Variants in HPSE2 observed in about 807,000 individuals in gnomAD.
HPSE2 encodes the protein inactive heparanase-2.
In HPSE2, 38 loss-of-function variants were observed where a neutral mutation model predicts 60.5. That is an observed-to-expected ratio of 0.63 (90% CI 0.48 to 0.82). HPSE2 has a LOEUF of 0.82. HPSE2 is among the 40% of genes least tolerant of loss of function. The pLI is 0.00. For missense variants in HPSE2, 713 were observed against 740.4 expected (o/e 0.96, Z 0.43); for synonymous variants, 295 against 293.2 (o/e 1.01, Z -0.06).
chr10:98,927,433 A>G (rs1331256165), intron 3 of HPSE2, among the ~76,000 whole-genome samples: 4 of 150,874 alleles, frequency 2.7e-5, no homozygotes, highest in Middle Eastern at 3.2e-3. Context: ...TATAGATTCA[A>G]TGCCATCCCC....
chr10:98,741,469 G>A (rs2134319567), intron 4 of HPSE2, among the ~76,000 whole-genome samples: 1 of 152,010 alleles, frequency 6.6e-6, no homozygotes, highest in East Asian at 1.9e-4. Context: ...GATGGGGAGG[G>A]GCAAGTTCTT....
Position 99,056,604 on chromosome 10 carries a change from G to C in HPSE2, c.610+87634C>G, listed in dbSNP as rs1958119541. On this transcript the variant is annotated intron_variant, in intron 3 of 11. Transcript: ENST00000370552. Reference sequence around the variant, plus strand: ...ACAATTGAATAAACATAAGGGAAAAGTGAATATTAATCTCCCTAAAAATTA... The same window carrying C: ...ACAATTGAATAAACATAAGGGAAAACTGAATATTAATCTCCCTAAAAATTA... Among the ~76,000 whole-genome samples, 3 of 152,250 alleles carry C rather than the reference G, an allele frequency of 2.0e-5. No homozygotes were observed. The East Asian group carries it at 5.8e-4, about 29-fold the overall frequency.
Position 98,459,516 on chromosome 10 carries a change from A to T in HPSE2, c.*58T>A. ...GTCTGAAAACAGAGGATACTACTGG[A>T]GTGGAGGAGTGGAAGCAGCCCAGCA... On this transcript the variant is annotated 3_prime_UTR_variant, in exon 12 of 12. Coordinates refer to ENST00000370552, the MANE Select transcript of HPSE2 (RefSeq NM_021828.5). The T allele has an allele frequency of 6.4e-7, 1 of 1,550,604 alleles. No individual in the cohort carries two copies. The highest frequency in any genetic ancestry group is 1.1e-5 in the South Asian group (1 of 89,726).
Position 98,812,624 on chromosome 10 carries a change from AT to A in HPSE2, c.611-68569del, listed in dbSNP as rs1951195202. On this transcript the variant is annotated intron_variant, in intron 3 of 11. Transcript: ENST00000370552. ...AAGATAAATTTAATTTTAACAATAT[AT>A]TTTTGTTGGCCCAATATATCCAAAA... Among the ~76,000 whole-genome samples, 3 of 152,236 alleles carry A rather than the reference AT, an allele frequency of 2.0e-5. No individual in the cohort carries two copies. In the East Asian group the frequency reaches 5.8e-4, roughly 29 times the overall value.
intron 9 of HPSE2, among the ~76,000 whole-genome samples, chr10:98,570,304 G>A (rs545514521): frequency 1.8e-4 from 27 of 152,258 alleles, no homozygotes; most frequent in African/African-American, 6.3e-4. Context: ...TGCATGGCAC[G>A]GCTCCTGTTG....
chr10:98,573,694 A>G (rs1410207065), intron 9 of HPSE2, among the ~76,000 whole-genome samples: 1 of 152,194 alleles, frequency 6.6e-6, no homozygotes, highest in African/African-American at 2.4e-5. Context: ...TCATGGCTCA[A>G]ACCTAAAAAA....
At chr10:99,129,868 T>C (rs1295598483) in intron 3 of HPSE2, among the ~76,000 whole-genome samples, 3 of 149,852 alleles carry the variant, frequency 2.0e-5, no homozygotes, top group South Asian at 2.1e-4. Flanking sequence ...TAAACAAAAT[T>C]GATACATCAT....
chr10:98,862,221 G>A (rs1477602971), intron 3 of HPSE2, among the ~76,000 whole-genome samples: 1 of 152,102 alleles, frequency 6.6e-6, no homozygotes, highest in Non-Finnish European at 1.5e-5. Flanking sequence ...CAGCATGAGA[G>A]CCTAAGAAAA....
chr10:98,496,518 C>T (rs189962716), intron 9 of HPSE2, among the ~76,000 whole-genome samples: 4 of 152,320 alleles, frequency 2.6e-5, no homozygotes, highest in Non-Finnish European at 4.4e-5. Context: ...ATGCAAACTG[C>T]TCCAGGAACA....
At chr10:98,471,146 A>G (rs543725369) in intron 11 of HPSE2, among the ~76,000 whole-genome samples, 3 of 152,228 alleles carry the variant, frequency 2.0e-5, no homozygotes, top group Non-Finnish European at 2.9e-5. Flanking sequence ...GCAAAATGGC[A>G]TAGCGCCTGA....
intron 2 of HPSE2, among the ~76,000 whole-genome samples, chr10:99,163,993 T>G (rs569768007): frequency 3.9e-5 from 6 of 151,940 alleles, no homozygotes; most frequent in Admixed American, 1.3e-4. Flanking sequence ...ACGTTACTAT[T>G]TTGCCTTTGT....
intron 3 of HPSE2, among the ~76,000 whole-genome samples, chr10:99,006,549 C>G (rs149898449): frequency 6.6e-6 from 1 of 152,122 alleles, no homozygotes; most frequent in South Asian, 2.1e-4. Flanking sequence ...AAATCTAGGG[C>G]AGAACTGAAG....
At chr10:99,101,146 C>T (rs902423070) in intron 3 of HPSE2, among the ~76,000 whole-genome samples, 3 of 152,166 alleles carry the variant, frequency 2.0e-5, no homozygotes, top group East Asian at 1.9e-4. Context: ...CAATATTAAC[C>T]TTAAATATAA....
chr10:98,482,019 A>G (rs1564908913), intron 11 of HPSE2, among the ~76,000 whole-genome samples: 1 of 152,134 alleles, frequency 6.6e-6, no homozygotes, highest in East Asian at 1.9e-4. Flanking sequence ...AGAGTTTTGA[A>G]AGGGTCACAG....
At chr10:99,265,938 G>C in the HPSE2 span, among the ~76,000 whole-genome samples, 1 of 152,208 alleles carries the variant, frequency 6.6e-6, no homozygotes, top group African/African-American at 2.4e-5. Flanking sequence ...AGAGCCAAGT[G>C]AAATACAGGG....
chr10:99,088,081 G>A (rs142578430), intron 3 of HPSE2, among the ~76,000 whole-genome samples: 1 of 151,486 alleles, frequency 6.6e-6, no homozygotes, highest in African/African-American at 2.4e-5. Flanking sequence ...ACGGCTCATG[G>A]ATTTTTACCC....
chr10:99,185,767 C>A (rs2133846087), intron 2 of HPSE2, among the ~76,000 whole-genome samples: 2 of 150,880 alleles, frequency 1.3e-5, no homozygotes, highest in South Asian at 4.2e-4. Context: ...GAGTGAGACT[C>A]CATCTCAAAA....
intron 3 of HPSE2, among the ~76,000 whole-genome samples, chr10:98,839,891 G>T (rs553074730): frequency 6.6e-6 from 1 of 152,224 alleles, no homozygotes; most frequent in African/African-American, 2.4e-5. Flanking sequence ...TTCCAAGAGT[G>T]GCATTTAAGA....
chr10:98,788,866 CCCGG>C (rs1950594039), intron 3 of HPSE2, among the ~76,000 whole-genome samples: 1 of 151,672 alleles, frequency 6.6e-6, no homozygotes, highest in Admixed American at 6.6e-5. Flanking sequence ...GTGAGGTGAA[CCCGG>C]TACCTCAGAT....
Sources: gnomAD v4.1 joint callset for allele counts (sites outside exome capture counted in the v4.1 genomes callset) on GRCh38, gnomAD v4.1.1 for gene constraint, MANE v1.5 for transcripts, NCBI Gene and HGNC (gene_info 2026-07-23, HGNC 2026-07-21) for gene names.